ACVR1: variants seen among roughly 807,000 people sequenced by gnomAD.
ACVR1 encodes activin receptor type-1.
In ACVR1, 38 loss-of-function variants were observed where a neutral mutation model predicts 57.1. That is an observed-to-expected ratio of 0.67 (90% CI 0.51 to 0.87). The LOEUF is 0.87. Ranked by LOEUF, ACVR1 falls within the 40% of genes least tolerant of loss-of-function variation. ACVR1 has a pLI of 0.00. For missense variants in ACVR1, 463 were observed against 638.2 expected (o/e 0.73, Z 2.96); for synonymous variants, 212 against 228.1 (o/e 0.93, Z 0.63).
chr2:157,766,659 A>T (rs150748737), intron 7 of ACVR1, among the ~76,000 whole-genome samples: 2 of 152,328 alleles, frequency 1.3e-5, no homozygotes, highest in African/African-American at 2.4e-5. Context: ...TCCTTAGCCT[A>T]TATCTGCTCA....
intron 1 of ACVR1, among the ~76,000 whole-genome samples, chr2:157,847,714 C>A (rs1220531654): frequency 1.3e-5 from 2 of 152,058 alleles, no homozygotes; most frequent in Admixed American, 1.3e-4. Context: ...AATAACCACA[C>A]AAGAATTACA....
intron 2 of ACVR1, among the ~76,000 whole-genome samples, chr2:157,812,795 T>G (rs963513443): frequency 1.3e-5 from 2 of 152,112 alleles, no homozygotes; most frequent in East Asian, 3.9e-4. Context: ...TTTAATAGAA[T>G]AGCAAAATAA....
chr2:157,833,226 T>C (rs942467263), intron 1 of ACVR1, among the ~76,000 whole-genome samples: 1 of 152,140 alleles, frequency 6.6e-6, no homozygotes, highest in Admixed American at 6.6e-5. Context: ...TAACAAACTG[T>C]CTCCATACTG....
At chr2:157,831,958 T>C (rs1234751706) in intron 1 of ACVR1, among the ~76,000 whole-genome samples, 2 of 152,210 alleles carry the variant, frequency 1.3e-5, no homozygotes, top group Non-Finnish European at 2.9e-5. Flanking sequence ...AAAACTGTTA[T>C]TTTAAAAATC....
chr2:157,855,932 T>G (rs558477413), intron 1 of ACVR1, among the ~76,000 whole-genome samples: 1 of 152,248 alleles, frequency 6.6e-6, no homozygotes, highest in South Asian at 2.1e-4. Flanking sequence ...ATCTCTTCAA[T>G]GACTAAAAAG....
rs948045629 is a variant in ACVR1 at position 157,780,693 on chromosome 2, C to G, written c.68-93G>C. On this transcript the variant is annotated intron_variant, in intron 3 of 10. Transcript: ENST00000434821. ...TTGAGGGAATGACCATTCCAAACACCTCTATCAACAGAAAGTCAAGCTAAG... is the reference window on the plus strand; with the variant it reads ...TTGAGGGAATGACCATTCCAAACACGTCTATCAACAGAAAGTCAAGCTAAG... 11 of 1,456,638 alleles carry G rather than the reference C, an allele frequency of 7.6e-6. No individual in the cohort carries two copies. The Admixed American group carries it at 2.2e-4, about 30-fold the overall frequency. The allele number at this position is 1,456,638 out of a possible 1,614,324, so 90.2% of individuals were successfully genotyped here.
At chr2:157,820,129 T>C (rs191352153) in intron 1 of ACVR1, among the ~76,000 whole-genome samples, 2 of 152,140 alleles carry the variant, frequency 1.3e-5, no homozygotes, top group African/African-American at 4.8e-5. Context: ...CACAATCTAT[T>C]TGAAAAGAAA....
intron 5 of ACVR1, among the ~76,000 whole-genome samples, chr2:157,775,147 G>A (rs1686233578): frequency 1.3e-5 from 2 of 152,202 alleles, no homozygotes; most frequent in Admixed American, 6.5e-5. Context: ...TTTTAGGCAG[G>A]TGAGGAGCAA....
chr2:157,767,313 C>T (rs1685902833), intron 7 of ACVR1, among the ~76,000 whole-genome samples: 1 of 152,122 alleles, frequency 6.6e-6, no homozygotes, highest in African/African-American at 2.4e-5. Flanking sequence ...GGATTACAAG[C>T]GTGAGACATC....
intron 1 of ACVR1, among the ~76,000 whole-genome samples, chr2:157,859,081 A>G (rs1328709952): frequency 6.6e-6 from 1 of 152,216 alleles, no homozygotes; most frequent in Non-Finnish European, 1.5e-5. Context: ...GGGGCTGAGT[A>G]AAATAAGGCT....
chr2:157,862,480 T>C (rs746295055), intron 1 of ACVR1, among the ~76,000 whole-genome samples: 1 of 150,040 alleles, frequency 6.7e-6, no homozygotes, highest in Admixed American at 6.6e-5. Flanking sequence ...CAGACATACC[T>C]TGTATTTACT....
intron 2 of ACVR1, among the ~76,000 whole-genome samples, chr2:157,801,212 T>TGAA (rs1451033573): frequency 2.6e-5 from 4 of 152,234 alleles, no homozygotes; most frequent in Non-Finnish European, 5.9e-5. Flanking sequence ...TATGACAGTC[T>TGAA]AGTACAGGAG....
chr2:157,782,391 C>G (rs1175294316), intron 3 of ACVR1, among the ~76,000 whole-genome samples: 1 of 152,178 alleles, frequency 6.6e-6, no homozygotes, highest in Non-Finnish European at 1.5e-5. Context: ...ACCAGTCTCA[C>G]CCCTGAGAAT....
intron 1 of ACVR1, among the ~76,000 whole-genome samples, chr2:157,824,082 C>T (rs1201003877): frequency 1.3e-5 from 2 of 152,104 alleles, no homozygotes; most frequent in Non-Finnish European, 2.9e-5. Flanking sequence ...TAAGGAGCAG[C>T]TATAAGAAGA....
At chr2:157,853,029 T>C (rs934239939) in intron 1 of ACVR1, among the ~76,000 whole-genome samples, 3 of 152,214 alleles carry the variant, frequency 2.0e-5, no homozygotes, top group Non-Finnish European at 4.4e-5. Context: ...AACAATAAGA[T>C]CTCAAAACTA....
chr2:157,847,593 T>C (rs1244117813), intron 1 of ACVR1, among the ~76,000 whole-genome samples: 3 of 152,214 alleles, frequency 2.0e-5, no homozygotes, highest in Non-Finnish European at 2.9e-5. Flanking sequence ...CAGTTTGATA[T>C]TGAATGTTCC....
intron 1 of ACVR1, among the ~76,000 whole-genome samples, chr2:157,825,304 T>C (rs532481526): frequency 6.6e-6 from 1 of 152,314 alleles, no homozygotes; most frequent in South Asian, 2.1e-4. Flanking sequence ...TTCATTTTTT[T>C]CAAGTTCCAT....
At chr2:157,868,991 T>G (rs2105387071) in intron 1 of ACVR1, among the ~76,000 whole-genome samples, 1 of 152,360 alleles carries the variant, frequency 6.6e-6, no homozygotes, top group South Asian at 2.1e-4. Context: ...TGCTTTCATT[T>G]TTTATTTCTG....
chr2:157,740,400 T>A (rs1684707211), intron 9 of ACVR1, among the ~76,000 whole-genome samples: 1 of 152,162 alleles, frequency 6.6e-6, no homozygotes, highest in African/African-American at 2.4e-5. Flanking sequence ...AAAAATCTTT[T>A]AATTATTTTC....
Sources: allele counts gnomAD v4.1 joint callset (sites outside exome capture counted in the v4.1 genomes callset), GRCh38; gene constraint gnomAD v4.1.1; transcripts MANE v1.5; gene names NCBI Gene and HGNC (gene_info 2026-07-23, HGNC 2026-07-21).